The following FRAS1 variants were observed in gnomAD, a reference collection of about 807,000 sequenced individuals.
FRAS1 encodes Fraser extracellular matrix complex subunit 1, also known as extracellular matrix organizing protein FRAS1.
In FRAS1, 290 loss-of-function variants were observed where a neutral mutation model predicts 435.2. The ratio of observed to expected loss-of-function variants is 0.67; its 90% CI spans 0.61 to 0.73. The LOEUF (loss-of-function observed/expected upper bound fraction) is 0.73, where lower values mean the gene tolerates loss of function less well. FRAS1 is among the 30% of genes least tolerant of loss of function. The pLI is 0.00. For synonymous variants in FRAS1, 1,800 were observed against 1,851.0 expected, an observed-to-expected ratio of 0.97 and a Z score of 0.71; for missense variants, 4,860 against 5,001.5, an observed-to-expected ratio of 0.97 and a Z score of 0.85.
chr4:78,429,357 T>A, intron 36 of FRAS1, 131 bp downstream of exon 36: 1 of 1,140,418 alleles, frequency 8.8e-7, no homozygotes, highest in Non-Finnish European at 1.2e-6. Context: ...CTCACCTGTA[T>A]CCTTCCTCCT....
intron 6 of FRAS1, among the ~76,000 whole-genome samples, chr4:78,261,548 G>A (rs973658518): frequency 6.6e-6 from 1 of 152,062 alleles, no homozygotes; most frequent in Non-Finnish European, 1.5e-5. Context: ...TGAAGCTTAG[G>A]AAGCATTTTC....
At chr4:78,290,805 T>C (rs1727859555) in intron 14 of FRAS1, among the ~76,000 whole-genome samples, 3 of 2,418 alleles carry the variant, frequency 1.2e-3, no homozygotes, top group East Asian at 0.056. Flanking sequence ...TTTATTGCCT[T>C]TTTTTTTTTT....
At chr4:78,324,063 A>G (rs755244790) in intron 18 of FRAS1, among the ~76,000 whole-genome samples, 1 of 152,186 alleles carries the variant, frequency 6.6e-6, no homozygotes, top group African/African-American at 2.4e-5. Context: ...ATCAAAGAAG[A>G]AGCAGCATAT....
chr4:78,210,195 C>T (rs754435876), intron 2 of FRAS1, among the ~76,000 whole-genome samples: 2 of 152,212 alleles, frequency 1.3e-5, no homozygotes, highest in Non-Finnish European at 1.5e-5. Flanking sequence ...CCTCACAACT[C>T]TCTTTTATTT....
At chr4:78,198,223 A>T (rs1034048578) in intron 2 of FRAS1, among the ~76,000 whole-genome samples, 3 of 152,162 alleles carry the variant, frequency 2.0e-5, no homozygotes, top group African/African-American at 7.2e-5. Flanking sequence ...GTGTAGGAGG[A>T]GTGAGTCCCC....
intron 47 of FRAS1, 78 bp downstream of exon 47, chr4:78,452,432 A>G: frequency 9.3e-7 from 1 of 1,078,752 alleles, no homozygotes; most frequent in Non-Finnish European, 1.3e-6. Flanking sequence ...ATCATGTATC[A>G]TGTATACCTA....
At chr4:78,202,232 G>A (rs941785928) in intron 2 of FRAS1, among the ~76,000 whole-genome samples, 9 of 152,218 alleles carry the variant, frequency 5.9e-5, no homozygotes, top group Admixed American at 2.6e-4. Flanking sequence ...TGGAGGTTTG[G>A]CATTACCTGG....
chr4:78,195,893 T>C (rs1722789200), intron 2 of FRAS1, among the ~76,000 whole-genome samples: 2 of 152,194 alleles, frequency 1.3e-5, no homozygotes, highest in South Asian at 4.2e-4. Context: ...ACTGGACCTG[T>C]TCCTATTCGG....
chr4:78,209,035 C>T (rs1723389498), intron 2 of FRAS1, among the ~76,000 whole-genome samples: 1 of 151,824 alleles, frequency 6.6e-6, no homozygotes, highest in East Asian at 1.9e-4. Context: ...GTCCCAGCTA[C>T]ATGGGAGGCT....
At chr4:78,366,573 C>T (rs1731276889) in intron 22 of FRAS1, among the ~76,000 whole-genome samples, 1 of 152,208 alleles carries the variant, frequency 6.6e-6, no homozygotes, top group South Asian at 2.1e-4. Flanking sequence ...CTTAGACCTA[C>T]AGCAGAAAAC....
chr4:78,311,354 T>G (rs1023213553), intron 15 of FRAS1, among the ~76,000 whole-genome samples: 1 of 152,220 alleles, frequency 6.6e-6, no homozygotes, highest in Non-Finnish European at 1.5e-5. Flanking sequence ...GTTTCCTTCT[T>G]TTCTCACTCA....
chr4:78,065,911 A>T, intron 1 of FRAS1, 74 bp from the exon 2 acceptor site: 1 of 1,122,600 alleles, frequency 8.9e-7, no homozygotes, highest in Admixed American at 1.9e-5. Flanking sequence ...CAGTTTTAGC[A>T]GCAAGCTTGC....
chr4:78,391,578 ATACCTCTGGAAATCATGCCTTTTTT>A (rs1732442789), intron 29 of FRAS1, among the ~76,000 whole-genome samples: 1 of 152,190 alleles, frequency 6.6e-6, no homozygotes, highest in Non-Finnish European at 1.5e-5. Context: ...ATTAATTAAG[ATACCTCTGGAAATCATGCCTTTTTT>A]TTCCACTCTG....
intron 30 of FRAS1, among the ~76,000 whole-genome samples, chr4:78,403,231 C>G (rs1732969770): frequency 6.6e-6 from 1 of 152,058 alleles, no homozygotes; most frequent in Non-Finnish European, 1.5e-5. Context: ...TAGAAACAAC[C>G]AATATTCCAT....
At chr4:78,115,495 C>T (rs529305075) in intron 2 of FRAS1, among the ~76,000 whole-genome samples, 1 of 152,280 alleles carries the variant, frequency 6.6e-6, no homozygotes, top group South Asian at 2.1e-4. Flanking sequence ...TAATTATTGC[C>T]TCAATTTCAG....
At chr4:78,103,477 G>A (rs1263900423) in intron 2 of FRAS1, among the ~76,000 whole-genome samples, 1 of 152,108 alleles carries the variant, frequency 6.6e-6, no homozygotes, top group Non-Finnish European at 1.5e-5. Context: ...AGAATAGAGA[G>A]GTGAGCCTAG....
At chr4:78,435,558 G>A (rs1734386497) in intron 38 of FRAS1, among the ~76,000 whole-genome samples, 1 of 152,114 alleles carries the variant, frequency 6.6e-6, no homozygotes, top group African/African-American at 2.4e-5. Context: ...GGCCAACATG[G>A]CGAAACCCTG....
At chr4:78,400,521 A>C (rs1309653423) in intron 29 of FRAS1, among the ~76,000 whole-genome samples, 1 of 152,226 alleles carries the variant, frequency 6.6e-6, no homozygotes, top group African/African-American at 2.4e-5. Context: ...TGATAAACTA[A>C]AAGAAAAAGC....
At chr4:78,327,969 C>G (rs958267424) in intron 18 of FRAS1, among the ~76,000 whole-genome samples, 1 of 152,198 alleles carries the variant, frequency 6.6e-6, no homozygotes, top group Non-Finnish European at 1.5e-5. Context: ...CCAGCGTATT[C>G]TTTTCCCTCT....
Sources: gnomAD v4.1 joint callset for allele counts (sites outside exome capture counted in the v4.1 genomes callset) on GRCh38, gnomAD v4.1.1 for gene constraint, MANE v1.5 for transcripts, NCBI Gene and HGNC (gene_info 2026-07-23, HGNC 2026-07-21) for gene names.